The following ELL2 variants were observed in gnomAD, a reference collection of about 807,000 sequenced individuals.
The protein encoded by ELL2 is RNA polymerase II elongation factor ELL2.
In ELL2, 21 loss-of-function variants were observed where a neutral mutation model predicts 72.8. The ratio of observed to expected loss-of-function variants is 0.29; its 90% CI spans 0.20 to 0.42. The LOEUF (loss-of-function observed/expected upper bound fraction) is 0.42. Among genes scored for constraint, ELL2 ranks in the 10% least tolerant of loss-of-function variants. The pLI is 1.00. For synonymous variants in ELL2, 266 were observed against 283.2 expected (o/e 0.94, Z 0.61); for missense variants, 568 against 772.8 (o/e 0.73, Z 3.14).
At chr5:95,895,735 A>G (rs560216093) in intron 8 of ELL2, 44 bp from the exon 9 acceptor site, 17 of 1,459,150 alleles carry the variant, frequency 1.2e-5, no homozygotes, top group Middle Eastern at 1.8e-4. Flanking sequence ...TCAACTACGA[A>G]GGTTATCAAA....
At chr5:95,907,296 A>ATATATATATATATATATATATATTTTTT in intron 4 of ELL2, among the ~76,000 whole-genome samples, 2 of 116,520 alleles carry the variant, frequency 1.7e-5, no homozygotes, top group African/African-American at 8.2e-5. Flanking sequence ...ATATATATAT[A>ATATATATATATATATATATATATTTTTT]TTTTTTTTTT....
chr5:95,954,163 C>T (rs1465146082), intron 1 of ELL2, among the ~76,000 whole-genome samples: 1 of 152,128 alleles, frequency 6.6e-6, no homozygotes, highest in Non-Finnish European at 1.5e-5. Flanking sequence ...CTGCCTCAAA[C>T]TCCTGAATAT....
intron 9 of ELL2, among the ~76,000 whole-genome samples, chr5:95,893,383 A>G (rs1333864605): frequency 2.0e-5 from 3 of 152,152 alleles, no homozygotes; most frequent in Non-Finnish European, 4.4e-5. Flanking sequence ...TTGATAATTT[A>G]GGTTTTTTAT....
intron 2 of ELL2, among the ~76,000 whole-genome samples, chr5:95,928,558 C>G (rs1580516546): frequency 6.6e-6 from 1 of 152,262 alleles, no homozygotes; most frequent in South Asian, 2.1e-4. Context: ...AATTTGACTC[C>G]TCTTTCTCAC....
chr5:95,913,949 A>C lies in ELL2; in HGVS notation c.318-15T>G. 1 of 1,573,922 alleles carries C rather than the reference A, an allele frequency of 6.4e-7. No homozygotes were observed. Among genetic ancestry groups the C allele is most frequent in the Non-Finnish European group, 8.6e-7 (1 of 1,162,602 alleles). ...AGGCTCCAGAGCTGTCAAGTAAGTC[A>C]GTGGCTTTGTTAGACATGACCTTCA... On this transcript the variant is annotated splice_polypyrimidine_tract_variant and intron_variant, in intron 3 of 11. Coordinates refer to ENST00000237853, the MANE Select transcript of ELL2 (RefSeq NM_012081.6).
chr5:95,911,431 G>A (rs947769276), intron 4 of ELL2, among the ~76,000 whole-genome samples: 5 of 151,480 alleles, frequency 3.3e-5, no homozygotes, highest in South Asian at 2.1e-4. Flanking sequence ...TCCACCTCCC[G>A]GATTCAAGCG....
chr5:95,938,071 A>C (rs1304551016), intron 2 of ELL2, among the ~76,000 whole-genome samples: 1 of 152,184 alleles, frequency 6.6e-6, no homozygotes, highest in African/African-American at 2.4e-5. Context: ...TTTCAAACCC[A>C]ATCTTCTCCA....
chr5:95,905,919 A>T (rs947404368), intron 5 of ELL2, among the ~76,000 whole-genome samples: 3 of 152,222 alleles, frequency 2.0e-5, no homozygotes, highest in African/African-American at 4.8e-5. Flanking sequence ...GTTATAGTCT[A>T]ACAAACCACT....
chr5:95,895,951 A>AC (rs1748858945), intron 8 of ELL2, among the ~76,000 whole-genome samples: 1 of 152,168 alleles, frequency 6.6e-6, no homozygotes. Flanking sequence ...TTCCATCTTA[A>AC]CCCAAGGTCA....
chr5:95,948,987 C>T (rs1751278953), intron 1 of ELL2, among the ~76,000 whole-genome samples: 1 of 152,188 alleles, frequency 6.6e-6, no homozygotes, highest in Non-Finnish European at 1.5e-5. Flanking sequence ...AAATGTTGGG[C>T]ATTCCTAAGC....
At chr5:95,961,413 C>A (rs980383467) in intron 1 of ELL2, among the ~76,000 whole-genome samples, 162 bp downstream of exon 1, 2 of 151,652 alleles carry the variant, frequency 1.3e-5, no homozygotes, top group African/African-American at 4.8e-5. Context: ...CCCGGGACCG[C>A]GGCGTCAGCC....
chr5:95,888,788 C>CT lies in ELL2; in HGVS notation c.*82dup, dbSNP rs1748550102. On this transcript the variant is annotated 3_prime_UTR_variant, in exon 12 of 12. Transcript: ENST00000237853. ...AAACTTTCAACAGCCAAAGTTTCAC[C>CT]TTTTTAGAATCTAGAGCAACTCATT... 3.1e-5 allele frequency: 31 copies of CT among 986,080 alleles called. No homozygotes were observed. The South Asian group carries it at 5.6e-4, about 18-fold the overall frequency. 61.1% of individuals were successfully genotyped at this position (986,080 alleles called of 1,614,324 possible). A position where few individuals can be genotyped will look rare whatever the true frequency, so the allele number is the denominator to read the frequency against.
In ELL2 at chr5:95,913,795, T is replaced by A. The variant is rs754623520; in HGVS notation, c.457A>T (p.Ile153Phe). ...CCTACATATGGTCCACCGGGTTTGATAACTTTTGTGCTTCGGTTGCGGGAT... is the reference window on the plus strand; with the variant it reads ...CCTACATATGGTCCACCGGGTTTGAAAACTTTTGTGCTTCGGTTGCGGGAT... ...EESRNRSTKV[I>F]KPGGPYVGKR... The change falls in exon 4 of 12, where the codon ATC (isoleucine) becomes TTC (phenylalanine). Residue 153 changes from isoleucine to phenylalanine, a missense_variant. Physicochemically the swap from Ile to Phe is conservative, Grantham distance 21 (BLOSUM62 0). Transcript: ENST00000237853. 9.9e-6 allele frequency: 16 copies of A among 1,611,600 alleles called. No individual in the cohort carries two copies. The highest frequency in any genetic ancestry group is 1.4e-5 in the Non-Finnish European group (16 of 1,179,092).
intron 1 of ELL2, among the ~76,000 whole-genome samples, chr5:95,958,024 G>C (rs1269385475): frequency 2.0e-5 from 3 of 152,154 alleles, no homozygotes; most frequent in Admixed American, 2.0e-4. Context: ...TTAACCTGTT[G>C]AAATTTCTGG....
chr5:95,907,633 C>T (rs563186930), intron 4 of ELL2, among the ~76,000 whole-genome samples: 1 of 152,244 alleles, frequency 6.6e-6, no homozygotes, highest in South Asian at 2.1e-4. Flanking sequence ...ACAATCCCAG[C>T]AACCGTTCCT....
intron 9 of ELL2, among the ~76,000 whole-genome samples, chr5:95,893,070 G>A (rs761904358): frequency 3.9e-5 from 6 of 152,024 alleles, no homozygotes; most frequent in Non-Finnish European, 5.9e-5. Context: ...TATATTTATC[G>A]TGCTTTCTCA....
At position 95,885,417 on chromosome 5, in the gene ELL2, T is replaced by A. The variant is rs1033338004; in HGVS notation, c.*3454A>T. 1 of 152,188 alleles carries A rather than the reference T, an allele frequency of 6.6e-6. No homozygotes were observed. The highest frequency in any genetic ancestry group is 2.4e-5 in the African/African-American group (1 of 41,438). 9.4% of individuals were successfully genotyped at this position (152,188 alleles called of 1,614,324 possible). A position where few individuals can be genotyped will look rare whatever the true frequency, so the allele number is the denominator to read the frequency against. ...AGTGCTGGCTATAATTTTTTCTCCA[T>A]CCAGTACACATAAGAAAAGGATTTA... On this transcript the variant is annotated 3_prime_UTR_variant, in exon 12 of 12. Coordinates refer to ENST00000237853, the MANE Select transcript of ELL2 (RefSeq NM_012081.6).
intron 1 of ELL2, among the ~76,000 whole-genome samples, chr5:95,958,314 C>G (rs1280471127): frequency 6.6e-6 from 1 of 152,082 alleles, no homozygotes; most frequent in Non-Finnish European, 1.5e-5. Flanking sequence ...CAAGAAAGAC[C>G]AAATTAATAT....
chr5:95,955,134 G>A (rs997437314), intron 1 of ELL2, among the ~76,000 whole-genome samples: 6 of 152,042 alleles, frequency 3.9e-5, no homozygotes, highest in Admixed American at 3.9e-4. Flanking sequence ...TTCTGCTGGA[G>A]ATGTGGTCCC....
Sources: allele counts gnomAD v4.1 joint callset (sites outside exome capture counted in the v4.1 genomes callset), GRCh38; gene constraint gnomAD v4.1.1; transcripts MANE v1.5; gene names NCBI Gene and HGNC (gene_info 2026-07-23, HGNC 2026-07-21).